Variants in KANSL3 observed in about 807,000 individuals in gnomAD.
KANSL3 encodes NSL complex protein NSL3.
Under a neutral mutation model 89.2 loss-of-function variants are expected in KANSL3, and 16 were observed. The observed-to-expected ratio is 0.18, with a 90% confidence interval of 0.12 to 0.27. The LOEUF (loss-of-function observed/expected upper bound fraction) is 0.27, where lower values mean the gene tolerates loss of function less well. Ranked by LOEUF, KANSL3 falls within the 10% of genes least tolerant of loss-of-function variation. The pLI, the probability that KANSL3 is intolerant of heterozygous loss-of-function variation, is 1.00. For synonymous variants in KANSL3, 385 were observed against 419.7 expected, an observed-to-expected ratio of 0.92 and a Z score of 1.01; for missense variants, 879 against 1,110.6, an observed-to-expected ratio of 0.79 and a Z score of 2.96.
intron 5 of KANSL3, among the ~76,000 whole-genome samples, chr2:96,618,779 G>A (rs529914256): frequency 6.6e-5 from 10 of 152,330 alleles, no homozygotes; most frequent in South Asian, 2.1e-4. Context: ...TCCAGCATCC[G>A]CATTCTACCA....
chr2:96,604,254 G>T lies in KANSL3; in HGVS notation c.2145C>A (p.Leu715=). 1.2e-6 allele frequency: 2 copies of T among 1,605,512 alleles called. No homozygotes were observed. Among genetic ancestry groups the T allele is most frequent in the Non-Finnish European group, 8.5e-7 (1 of 1,176,760 alleles). The change falls in exon 17 of 21, where the codon CTC becomes CTA. Residue 715 remains leucine, a synonymous_variant. Transcript: ENST00000431828. ...GAATGCTGGGCCACAAGATACCTGG[G>T]AGGGAGCTGCCAGGAGATGTGGCCA... is the stretch of plus-strand genomic sequence containing the variant. ...RLVATSPGSS[L]PGATSASSLL...
intron 9 of KANSL3, 27 bp from the exon 10 acceptor site, chr2:96,611,165 A>C (rs1558700773): frequency 6.2e-7 from 1 of 1,602,912 alleles, no homozygotes; most frequent in East Asian, 2.2e-5. Flanking sequence ...AGTTTGTCTA[A>C]ACGTCAACTG....
chr2:96,593,484 C>T lies in KANSL3; in HGVS notation c.*2127G>A, dbSNP rs115748440. Reference sequence around the variant, plus strand: ...TTCGCGTTCCAAGAAATATAGTTTGCGAAGGGAACTGGAAAACGTGACTCT... The same window carrying T: ...TTCGCGTTCCAAGAAATATAGTTTGTGAAGGGAACTGGAAAACGTGACTCT... On this transcript the variant is annotated 3_prime_UTR_variant, in exon 21 of 21. Coordinates refer to ENST00000431828, the MANE Select transcript of KANSL3 (RefSeq NM_001115016.3). 1,026 of 365,424 alleles carry T rather than the reference C, an allele frequency of 2.8e-3. 15 individuals carry two copies. The highest frequency in any genetic ancestry group is 0.02 in the African/African-American group (953 of 47,084). 22.6% of individuals were successfully genotyped at this position (365,424 alleles called of 1,614,324 possible).
intron 19 of KANSL3, 153 bp downstream of exon 19, chr2:96,601,963 C>A: frequency 8.4e-7 from 1 of 1,185,688 alleles, no homozygotes; most frequent in Non-Finnish European, 1.2e-6. Flanking sequence ...CTCAACCTCT[C>A]TGGGGGATGG....
At position 96,619,350 on chromosome 2, in the gene KANSL3, C is replaced by T. The variant is rs1262143892; in HGVS notation, c.663+9G>A. 1.2e-6 allele frequency: 2 copies of T among 1,605,734 alleles called. No homozygotes were observed. The highest frequency in any genetic ancestry group is 2.7e-5 in the African/African-American group (2 of 74,730). ...CCTAGGACAGGGCAGACCCCAATCA[C>T]AGCCTTACCTTCCCCTTCAGCGTCT... On this transcript the variant is annotated intron_variant, in intron 5 of 20. Coordinates refer to ENST00000431828, the MANE Select transcript of KANSL3 (RefSeq NM_001115016.3).
At position 96,609,064 on chromosome 2, in the gene KANSL3, C is replaced by G; in HGVS notation, c.1384G>C (p.Asp462His). 6.4e-7 allele frequency: 1 copy of G among 1,555,988 alleles called. No individual in the cohort carries two copies. Among genetic ancestry groups the G allele is most frequent in the Non-Finnish European group, 8.7e-7 (1 of 1,149,456 alleles). ...TQSMVDRCIQ[D>H]EIVDFLTGVL... ...CCAGTCAGAAAGTCCACAATCTCAT[C>G]CTAGTGTAGAGAGGAGCCAACCAAG... is the stretch of plus-strand genomic sequence containing the variant. The change falls in exon 13 of 21, where the codon GAT (aspartate) becomes CAT (histidine). Residue 462 changes from aspartate (D) to histidine (H), a missense_variant and splice_region_variant. By Grantham distance (81) the Asp-to-His change is moderately conservative. Around this residue, in one of 6 missense-constraint regions of KANSL3, gnomAD observed 198 missense variants for 260.3 expected, o/e 0.76. Transcript: ENST00000431828.
At chr2:96,617,410 C>G (rs1433364348) in intron 5 of KANSL3, among the ~76,000 whole-genome samples, 1 of 152,126 alleles carries the variant, frequency 6.6e-6, no homozygotes, top group Non-Finnish European at 1.5e-5. Flanking sequence ...AACCAGTCTT[C>G]TAACAAACTT....
Position 96,595,300 on chromosome 2 carries a change from T to C in KANSL3, c.*311A>G. On this transcript the variant is annotated 3_prime_UTR_variant, in exon 21 of 21. Coordinates refer to ENST00000431828, the MANE Select transcript of KANSL3 (RefSeq NM_001115016.3). Reference sequence around the variant, plus strand: ...AAATGCAGCAGGCAGTCCTATATGCTGACCCTTGGGTCAAACCACAGCTTA... The same window carrying C: ...AAATGCAGCAGGCAGTCCTATATGCCGACCCTTGGGTCAAACCACAGCTTA... 1 of 339,160 alleles carries C rather than the reference T, an allele frequency of 2.9e-6. No homozygotes were observed. Among genetic ancestry groups the C allele is most frequent in the Non-Finnish European group, 5.5e-6 (1 of 182,560 alleles). 21.0% of individuals were successfully genotyped at this position (339,160 alleles called of 1,614,324 possible).
chr2:96,625,800 T>C (rs764671685), intron 3 of KANSL3, among the ~76,000 whole-genome samples: 1 of 151,808 alleles, frequency 6.6e-6, no homozygotes, highest in Non-Finnish European at 1.5e-5. Context: ...GGCTAGAAAA[T>C]TAAGTGGGCA....
intron 11 of KANSL3, among the ~76,000 whole-genome samples, chr2:96,609,933 A>C (rs1356356037): frequency 7.6e-6 from 1 of 131,248 alleles, no homozygotes; most frequent in African/African-American, 2.9e-5. Flanking sequence ...CATAGGCGAC[A>C]GAGCCAGGCG....
chr2:96,622,787 T>C (rs1462314619), intron 3 of KANSL3, among the ~76,000 whole-genome samples: 2 of 152,196 alleles, frequency 1.3e-5, no homozygotes, highest in African/African-American at 4.8e-5. Context: ...TCTACTCCCC[T>C]GCCCTTGCAC....
intron 20 of KANSL3, among the ~76,000 whole-genome samples, chr2:96,596,311 A>G (rs1002800479): frequency 6.6e-6 from 1 of 152,172 alleles, no homozygotes; most frequent in Non-Finnish European, 1.5e-5. Context: ...TAATCCCAAC[A>G]CTTTGGGAGG....
chr2:96,602,274 G>C lies in KANSL3; in HGVS notation c.2324C>G (p.Thr775Ser). Residue 775 changes from threonine to serine, a missense_variant, in exon 19 of 21, where the codon ACC becomes AGC. Thr to Ser is a moderately conservative substitution (Grantham distance 58, BLOSUM62 1). This residue lies in a region of KANSL3 where 89 missense variants were observed against 139.7 expected (regional missense o/e 0.64). Transcript: ENST00000431828. ...SLGAITTGTS[T>S]IVRTIPVATT... ...GGCCACAGGAATGGTACGGACAATG[G>C]TGCTGGTGCCCGTGGTGATGGCACC... The C allele has an allele frequency of 1.9e-6, 3 of 1,612,698 alleles. No homozygotes were observed. The highest frequency in any genetic ancestry group is 2.5e-6 in the Non-Finnish European group (3 of 1,179,498).
At chr2:96,627,261 C>A (rs1357137670) in intron 3 of KANSL3, among the ~76,000 whole-genome samples, 1 of 151,832 alleles carries the variant, frequency 6.6e-6, no homozygotes, top group Middle Eastern at 3.2e-3. Context: ...GTTGCCCGGG[C>A]TGGAGTGCAG....
Position 96,595,496 on chromosome 2 carries a change from G to T in KANSL3, c.*115C>A. 8.9e-7 allele frequency: 1 copy of T among 1,125,686 alleles called. No homozygotes were observed. The highest frequency in any genetic ancestry group is 1.3e-6 in the Non-Finnish European group (1 of 772,482). 69.7% of individuals were successfully genotyped at this position (1,125,686 alleles called of 1,614,324 possible). On this transcript the variant is annotated 3_prime_UTR_variant, in exon 21 of 21. Coordinates refer to ENST00000431828, the MANE Select transcript of KANSL3 (RefSeq NM_001115016.3). ...AGTTGGCGGAGAGGCAAAAATGACT[G>T]TCTTAAACAGGTCTTCCGACACGTG...
downstream of KANSL3, among the ~76,000 whole-genome samples, chr2:96,590,092 G>A (rs529504521): frequency 6.0e-4 from 92 of 152,192 alleles, no homozygotes; most frequent in African/African-American, 2.1e-3. Flanking sequence ...GGGAGGCAGA[G>A]GTTGCAGTGA....
At chr2:96,601,604 A>G (rs769385360) in intron 20 of KANSL3, 39 bp downstream of exon 20, 1 of 1,602,274 alleles carries the variant, frequency 6.2e-7, no homozygotes, top group South Asian at 1.1e-5. Flanking sequence ...ACTTCCCAAT[A>G]ATGAAGCCCA....
chr2:96,612,244 T>C (rs2069137879), intron 9 of KANSL3, 38 bp downstream of exon 9: 4 of 1,457,392 alleles, frequency 2.7e-6, no homozygotes, highest in Non-Finnish European at 3.9e-6. Flanking sequence ...TGGTATTCCA[T>C]CCCAGGACAA....
chr2:96,636,824 C>T, intron 2 of KANSL3, 97 bp downstream of exon 2: 1 of 1,048,708 alleles, frequency 9.5e-7, no homozygotes, highest in Admixed American at 3.1e-5. Context: ...ATGCCTCATA[C>T]AATCTCCCCC....
Sources: allele counts gnomAD v4.1 joint callset (sites outside exome capture counted in the v4.1 genomes callset), GRCh38; gene constraint gnomAD v4.1.1; regional missense constraint gnomAD v4.1.1; transcripts MANE v1.5; gene names NCBI Gene and HGNC (gene_info 2026-07-23, HGNC 2026-07-21).